NELL2: variants seen among roughly 807,000 people sequenced by gnomAD.
The protein encoded by NELL2 is neural EGFL like 2, also known as protein kinase C-binding protein NELL2.
NELL2 carries 41 observed loss-of-function variants against 109.6 expected under a neutral mutation model. The ratio of observed to expected loss-of-function variants is 0.37; its 90% CI spans 0.29 to 0.49. NELL2 has a LOEUF of 0.49. Among genes scored for constraint, NELL2 ranks in the 20% least tolerant of loss-of-function variants. The pLI is 0.98. For synonymous variants in NELL2, 355 were observed against 344.7 expected (o/e 1.03, Z -0.33); for missense variants, 900 against 1,008.3 (o/e 0.89, Z 1.45).
intron 13 of NELL2, among the ~76,000 whole-genome samples, chr12:44,638,120 C>T (rs995830690): frequency 3.3e-5 from 5 of 152,036 alleles, no homozygotes; most frequent in Admixed American, 1.3e-4. Context: ...TTTCCATGCA[C>T]GCCCTTAATT....
chr12:44,822,338 GA>G (rs1477765475), intron 2 of NELL2, among the ~76,000 whole-genome samples: 2 of 152,150 alleles, frequency 1.3e-5, no homozygotes, highest in African/African-American at 4.8e-5. Flanking sequence ...ACACCCTTGT[GA>G]TTTTCTGAGC....
intron 13 of NELL2, among the ~76,000 whole-genome samples, chr12:44,613,459 T>C (rs927518896): frequency 4.6e-5 from 7 of 152,152 alleles, no homozygotes; most frequent in African/African-American, 1.7e-4. Context: ...AATTGTAGAC[T>C]ACATGCCAAA....
intron 15 of NELL2, among the ~76,000 whole-genome samples, chr12:44,565,622 T>C (rs1592129149): frequency 6.6e-6 from 1 of 152,210 alleles, no homozygotes; most frequent in East Asian, 1.9e-4. Context: ...CTAGAGAGTG[T>C]ACTAAAGTCA....
chr12:44,813,457 T>C (rs1943243691), intron 3 of NELL2, among the ~76,000 whole-genome samples: 1 of 152,108 alleles, frequency 6.6e-6, no homozygotes, highest in Non-Finnish European at 1.5e-5. Context: ...GATACAACCA[T>C]AGACTGAATA....
At chr12:44,747,039 G>A (rs1940402785) in intron 9 of NELL2, among the ~76,000 whole-genome samples, 1 of 152,126 alleles carries the variant, frequency 6.6e-6, no homozygotes, top group Non-Finnish European at 1.5e-5. Context: ...GCAAAGACTT[G>A]GAACCAACCC....
chr12:44,897,489 C>T (rs376708882), intron 1 of NELL2, among the ~76,000 whole-genome samples: 8 of 151,996 alleles, frequency 5.3e-5, no homozygotes, highest in Admixed American at 2.6e-4. Flanking sequence ...CAAAGTGGGG[C>T]GTCACCTCAC....
At chr12:44,673,441 C>T (rs1359474695) in intron 12 of NELL2, among the ~76,000 whole-genome samples, 1 of 152,128 alleles carries the variant, frequency 6.6e-6, no homozygotes, top group Non-Finnish European at 1.5e-5. Flanking sequence ...TCTGATGGCC[C>T]TATGGGGTAG....
At chr12:44,878,920 C>A (rs1167553176), upstream of NELL2, among the ~76,000 whole-genome samples, 1 of 152,156 alleles carries the variant, frequency 6.6e-6, no homozygotes, top group Admixed American at 6.5e-5. Context: ...TGTATGTTAC[C>A]TCACATGGCA....
At chr12:44,844,911 A>C (rs1944327958) in intron 2 of NELL2, among the ~76,000 whole-genome samples, 2 of 152,128 alleles carry the variant, frequency 1.3e-5, no homozygotes, top group South Asian at 4.1e-4. Flanking sequence ...ATTTTTTAAA[A>C]TTATAATTAA....
At chr12:44,681,828 T>C (rs796861583) in intron 12 of NELL2, among the ~76,000 whole-genome samples, 1 of 151,974 alleles carries the variant, frequency 6.6e-6, no homozygotes, top group African/African-American at 2.4e-5. Flanking sequence ...TGTTGGACAT[T>C]TGGGTTGGTT....
intron 15 of NELL2, among the ~76,000 whole-genome samples, chr12:44,534,328 A>G (rs1942208818): frequency 6.6e-6 from 1 of 152,130 alleles, no homozygotes; most frequent in Non-Finnish European, 1.5e-5. Flanking sequence ...TAGGCAAAAA[A>G]TATTTTATAT....
At chr12:44,579,233 T>C (rs929949918) in intron 15 of NELL2, among the ~76,000 whole-genome samples, 1 of 152,216 alleles carries the variant, frequency 6.6e-6, no homozygotes, top group African/African-American at 2.4e-5. Flanking sequence ...CAAGTCTACA[T>C]GTTTTTGTAA....
intron 12 of NELL2, among the ~76,000 whole-genome samples, chr12:44,695,636 A>G (rs557900693): frequency 2.1e-3 from 321 of 152,202 alleles, no homozygotes; most frequent in Non-Finnish European, 3.5e-3. Context: ...ATTTGAAGAC[A>G]GATGACATGA....
intron 3 of NELL2, among the ~76,000 whole-genome samples, chr12:44,786,626 C>T (rs529324703): frequency 6.6e-6 from 1 of 152,208 alleles, no homozygotes; most frequent in African/African-American, 2.4e-5. Context: ...GGAACCAACC[C>T]AAATGCCCAT....
intron 2 of NELL2, among the ~76,000 whole-genome samples, chr12:44,870,549 C>G (rs1945133124): frequency 6.6e-6 from 1 of 152,124 alleles, no homozygotes; most frequent in Admixed American, 6.5e-5. Context: ...TCTCATTGGT[C>G]TAAAATCAAG....
intron 1 of NELL2, among the ~76,000 whole-genome samples, chr12:44,895,891 C>A (rs1945587970): frequency 6.6e-6 from 1 of 152,222 alleles, no homozygotes; most frequent in Non-Finnish European, 1.5e-5. Flanking sequence ...AACACATTTA[C>A]ACTGATAAAC....
chr12:44,763,398 A>T (rs1340682042), intron 9 of NELL2, among the ~76,000 whole-genome samples: 4 of 152,194 alleles, frequency 2.6e-5, no homozygotes, highest in Admixed American at 6.5e-5. Context: ...AAATAGTATG[A>T]AAAGAATACG....
chr12:44,853,891 C>A (rs2136785426), intron 2 of NELL2, among the ~76,000 whole-genome samples: 1 of 152,232 alleles, frequency 6.6e-6, no homozygotes, highest in South Asian at 2.1e-4. Context: ...CAGAAAACAT[C>A]CAGGTTCAAC....
At chr12:44,576,470 C>A (rs1202080803) in intron 15 of NELL2, among the ~76,000 whole-genome samples, 1 of 152,022 alleles carries the variant, frequency 6.6e-6, no homozygotes, top group African/African-American at 2.4e-5. Flanking sequence ...TCCCCATCAA[C>A]ATCATCATTA....
Sources: allele counts gnomAD v4.1 joint callset (sites outside exome capture counted in the v4.1 genomes callset), GRCh38; gene constraint gnomAD v4.1.1; transcripts MANE v1.5; gene names NCBI Gene and HGNC (gene_info 2026-07-23, HGNC 2026-07-21).